CLVS1: variants seen among roughly 807,000 people sequenced by gnomAD.
CLVS1 encodes clavesin 1.
CLVS1 carries 10 observed loss-of-function variants against 33.1 expected under a neutral mutation model. The ratio of observed to expected loss-of-function variants is 0.30; its 90% CI spans 0.19 to 0.51. CLVS1 has a LOEUF of 0.51. CLVS1 is among the 20% of genes least tolerant of loss of function. The pLI, the probability that CLVS1 is intolerant of heterozygous loss-of-function variation, is 0.97. For missense variants in CLVS1, 343 were observed against 433.4 expected (o/e 0.79, Z 1.85); for synonymous variants, 163 against 166.1 (o/e 0.98, Z 0.14).
intron 1 of CLVS1, among the ~76,000 whole-genome samples, chr8:61,092,386 T>C (rs572624847): frequency 2.0e-5 from 3 of 152,148 alleles, no homozygotes; most frequent in Non-Finnish European, 4.4e-5. Context: ...TGAAGCCTCA[T>C]AGGAAGAGGT....
At position 61,417,998 on chromosome 8, in the gene CLVS1, T is replaced by C. The variant is rs188155599; in HGVS notation, c.631-36143T>C. ...GTACACTGCCCTAAATCCTAATAAG[T>C]TGCAATGTGCTTGTTCTACAGAAAG... On this transcript the variant is annotated intron_variant, in intron 3 of 5. Coordinates refer to ENST00000325897, the MANE Select transcript of CLVS1 (RefSeq NM_173519.3). Among the ~76,000 whole-genome samples the C allele has an allele frequency of 3.6e-3, 549 of 152,316 alleles. 3 individuals carry two copies. Among genetic ancestry groups the C allele is most frequent in the African/African-American group, 0.012 (495 of 41,580 alleles).
intron 3 of CLVS1, among the ~76,000 whole-genome samples, chr8:61,443,861 C>T (rs976889053): frequency 2.0e-5 from 3 of 152,054 alleles, no homozygotes; most frequent in African/African-American, 7.2e-5. Context: ...ATCTTAAAAT[C>T]TACAAACATA....
chr8:61,189,553 C>T (rs1807420519), intron 2 of CLVS1, among the ~76,000 whole-genome samples: 1 of 152,170 alleles, frequency 6.6e-6, no homozygotes, highest in Admixed American at 6.6e-5. Context: ...GGACTAAATG[C>T]TCCAATTAAA....
At chr8:61,244,332 A>C (rs1808764507) in intron 2 of CLVS1, among the ~76,000 whole-genome samples, 1 of 152,114 alleles carries the variant, frequency 6.6e-6, no homozygotes, top group African/African-American at 2.4e-5. Context: ...TCTTAATTGC[A>C]CTTTGGACAG....
chr8:61,246,647 T>C (rs1207614560), intron 2 of CLVS1, among the ~76,000 whole-genome samples: 2 of 152,168 alleles, frequency 1.3e-5, no homozygotes, highest in Admixed American at 6.5e-5. Context: ...TTCTTTATAG[T>C]AGAACAATGG....
rs187219048 is a variant in CLVS1, at chr8:61,156,653, A to C, written c.-152+24793A>C. On this transcript the variant is annotated intron_variant, in intron 2 of 2. Transcript: ENST00000522621. ...TACTACACTATGATTTTGATAAATA[A>C]CAGTAATAATTGGAAGGAAAATTTT... Among the ~76,000 whole-genome samples, 4 of 152,350 alleles carry C rather than the reference A, an allele frequency of 2.6e-5. No individual in the cohort carries two copies. In the East Asian group the frequency reaches 7.7e-4, roughly 29 times the overall value.
intron 2 of CLVS1, among the ~76,000 whole-genome samples, chr8:61,312,732 T>C (rs1349154720): frequency 6.6e-6 from 1 of 152,228 alleles, no homozygotes; most frequent in African/African-American, 2.4e-5. Flanking sequence ...GAGATGTTGT[T>C]ATTCTCATTT....
intron 5 of CLVS1, among the ~76,000 whole-genome samples, chr8:61,496,960 G>GA (rs1804287904): frequency 6.6e-6 from 1 of 152,124 alleles, no homozygotes; most frequent in South Asian, 2.1e-4. Flanking sequence ...TTTTTAGATG[G>GA]AAAAAACTAA....
the CLVS1 span, among the ~76,000 whole-genome samples, chr8:61,020,002 T>C: frequency 6.6e-6 from 1 of 152,192 alleles, no homozygotes; most frequent in Non-Finnish European, 1.5e-5. Context: ...TGGCCAACAA[T>C]GAATGGCCTG....
rs71521932 is a variant in CLVS1, at chr8:61,068,223, G to GTATATA, written c.-243+10996_-243+10997insATATAT. ...TGTATATATATATATATATATGTATGTATGTGTATATATATATATATATAT... is the reference window on the plus strand; with the variant it reads ...TGTATATATATATATATATATGTATGTATATATATGTGTATATATATATATATATAT... On this transcript the variant is annotated intron_variant, in intron 1 of 2. Coordinates refer to the CLVS1 transcript ENST00000522621. 7.5e-4 allele frequency among the ~76,000 whole-genome samples: 79 copies of GTATATA among 105,164 alleles called. 2 individuals are homozygous for GTATATA. The highest frequency in any genetic ancestry group is 3.7e-3 in the African/African-American group (71 of 18,956). 69.0% of individuals were successfully genotyped at this position (105,164 alleles called of 152,430 possible).
At chr8:61,477,396 C>G (rs1817992158) in intron 5 of CLVS1, among the ~76,000 whole-genome samples, 2 of 152,188 alleles carry the variant, frequency 1.3e-5, no homozygotes, top group Non-Finnish European at 2.9e-5. Context: ...CCTTGTACCT[C>G]TGGTAGAATT....
At chr8:61,269,985 C>A (rs1249240766) in intron 2 of CLVS1, among the ~76,000 whole-genome samples, 2 of 148,748 alleles carry the variant, frequency 1.3e-5, no homozygotes, top group African/African-American at 4.9e-5. Flanking sequence ...TTCCTCTTTT[C>A]CTAATTGAAT....
At chr8:61,145,768 A>G (rs928374817) in intron 2 of CLVS1, among the ~76,000 whole-genome samples, 2 of 152,166 alleles carry the variant, frequency 1.3e-5, no homozygotes, top group East Asian at 3.8e-4. Context: ...GTCAGTGGAT[A>G]TGGGCAGTTA....
At chr8:61,097,094 C>T (rs1181126085) in intron 1 of CLVS1, among the ~76,000 whole-genome samples, 3 of 151,972 alleles carry the variant, frequency 2.0e-5, no homozygotes, top group African/African-American at 7.3e-5. Flanking sequence ...GGCGTGGTGG[C>T]TCATGCATGT....
the CLVS1 span, among the ~76,000 whole-genome samples, chr8:60,974,807 A>T: frequency 6.6e-6 from 1 of 152,222 alleles, no homozygotes; most frequent in African/African-American, 2.4e-5. Flanking sequence ...TTGCTTCAAA[A>T]ATTTGATGAT....
At chr8:61,055,196 A>C (rs1563386308), upstream of CLVS1, among the ~76,000 whole-genome samples, 1 of 152,252 alleles carries the variant, frequency 6.6e-6, no homozygotes, top group Non-Finnish European at 1.5e-5. Flanking sequence ...AGATAATTAC[A>C]GATAGTGCAT....
rs1416244050 is a variant in CLVS1, at chr8:61,454,263, A to G, written c.741+12A>G. Reference sequence around the variant, plus strand: ...AGACCAGGAAACGGGTAATGAAAACAAATGCATCATGTAAATTCCTGGTAC... The same window carrying G: ...AGACCAGGAAACGGGTAATGAAAACGAATGCATCATGTAAATTCCTGGTAC... On this transcript the variant is annotated intron_variant, in intron 4 of 5. Coordinates refer to ENST00000325897, the MANE Select transcript of CLVS1 (RefSeq NM_173519.3). 1 of 1,568,144 alleles carries G rather than the reference A, an allele frequency of 6.4e-7. No individual in the cohort carries two copies. The highest frequency in any genetic ancestry group is 1.7e-5 in the Admixed American group (1 of 59,970).
intron 1 of CLVS1, chr8:61,131,621 T>C (rs1020432027): frequency 6.6e-6 from 1 of 151,858 alleles, no homozygotes; most frequent in Non-Finnish European, 1.5e-5. Context: ...GAAATATTGC[T>C]TAGCAAAGGG....
At position 61,501,197 on chromosome 8, in the gene CLVS1, CATAG is replaced by C. The variant is rs891261473; in HGVS notation, c.*1660_*1663del. ...GAAACACTTTTCTTATGTACCAAGA[CATAG>C]ATAGGTAAGAGAAATAAAGAATTGA... On this transcript the variant is annotated 3_prime_UTR_variant, in exon 6 of 6. Coordinates refer to ENST00000325897, the MANE Select transcript of CLVS1 (RefSeq NM_173519.3). The C allele has an allele frequency of 5.3e-5, 8 of 152,046 alleles. No homozygotes were observed. Among genetic ancestry groups the C allele is most frequent in the African/African-American group, 1.4e-4 (6 of 41,406 alleles). 9.4% of individuals were successfully genotyped at this position (152,046 alleles called of 1,614,324 possible).
Sources: allele counts gnomAD v4.1 joint callset (sites outside exome capture counted in the v4.1 genomes callset), GRCh38; gene constraint gnomAD v4.1.1; transcripts MANE v1.5; gene names NCBI Gene and HGNC (gene_info 2026-07-23, HGNC 2026-07-21).